The following TAF3 variants were observed in gnomAD, a reference collection of about 807,000 sequenced individuals.
The protein encoded by TAF3 is TATA-box binding protein associated factor 3.
Under a neutral mutation model 80.6 loss-of-function variants are expected in TAF3, and 7 were observed. The observed-to-expected ratio is 0.09, with a 90% CI of 0.05 to 0.16. TAF3 has a LOEUF of 0.16. Ranked by LOEUF, TAF3 falls within the 10% of genes least tolerant of loss-of-function variation. The pLI is 1.00. For synonymous variants in TAF3, 444 were observed against 446.1 expected (o/e 1.00, Z 0.06); for missense variants, 921 against 1,140.2 (o/e 0.81, Z 2.77).
At chr10:7,929,642 G>A (rs1022776513) in intron 2 of TAF3, among the ~76,000 whole-genome samples, 6 of 152,138 alleles carry the variant, frequency 3.9e-5, no homozygotes, top group East Asian at 1.9e-4. Context: ...GGGATTGCAC[G>A]TGTGAGCCAC....
chr10:7,887,391 T>C (rs1372308537), intron 2 of TAF3, among the ~76,000 whole-genome samples: 4 of 152,118 alleles, frequency 2.6e-5, no homozygotes, highest in Non-Finnish European at 5.9e-5. Context: ...TTTTTGCAAG[T>C]GTGGAAAGAA....
At chr10:7,855,694 CCAGA>C (rs1433773917) in intron 2 of TAF3, among the ~76,000 whole-genome samples, 9 of 152,168 alleles carry the variant, frequency 5.9e-5, no homozygotes, top group Middle Eastern at 3.4e-3. Flanking sequence ...TAAAGGCTTA[CCAGA>C]CAAAGGAAGA....
chr10:7,854,791 TCAGTAGTATGTTA>T (rs1399068552), intron 2 of TAF3, among the ~76,000 whole-genome samples: 5 of 152,174 alleles, frequency 3.3e-5, no homozygotes, highest in African/African-American at 1.2e-4. Flanking sequence ...CATACGTAGA[TCAGTAGTATGTTA>T]CAGTAGCATG....
At chr10:7,961,882 C>T (rs778353062) in intron 2 of TAF3, among the ~76,000 whole-genome samples, 18 of 151,976 alleles carry the variant, frequency 1.2e-4, no homozygotes, top group Non-Finnish European at 1.9e-4. Context: ...TAGGGTCTCG[C>T]TCTGTCGCCC....
chr10:7,891,317 TA>T (rs1366378223), intron 2 of TAF3, among the ~76,000 whole-genome samples: 1 of 152,232 alleles, frequency 6.6e-6, no homozygotes, highest in Non-Finnish European at 1.5e-5. Context: ...GATTAAGGTG[TA>T]CATAGTAAAA....
At chr10:7,998,261 A>ATG (rs1554788795) in intron 4 of TAF3, among the ~76,000 whole-genome samples, 2,363 of 58,774 alleles carry the variant, frequency 0.04, 36 homozygotes, top group East Asian at 0.2. Flanking sequence ...ATATATATAT[A>ATG]TATGTATATA....
At chr10:7,941,160 A>C (rs903965717) in intron 2 of TAF3, among the ~76,000 whole-genome samples, 3 of 152,176 alleles carry the variant, frequency 2.0e-5, no homozygotes, top group South Asian at 2.1e-4. Context: ...AGAGATTTCC[A>C]CTGGGAGAGC....
chr10:7,912,842 T>A (rs1588549429), intron 2 of TAF3, among the ~76,000 whole-genome samples: 1 of 152,160 alleles, frequency 6.6e-6, no homozygotes, highest in Non-Finnish European at 1.5e-5. Flanking sequence ...TTTTCCTTTC[T>A]GAATCGGACC....
intron 2 of TAF3, among the ~76,000 whole-genome samples, chr10:7,866,382 G>C (rs140788810): frequency 2.5e-3 from 385 of 152,322 alleles, no homozygotes; most frequent in African/African-American, 9.1e-3. Context: ...CTGTGATGGT[G>C]GCTGACCACG....
At chr10:7,895,215 G>A (rs1272794273) in intron 2 of TAF3, among the ~76,000 whole-genome samples, 3 of 152,162 alleles carry the variant, frequency 2.0e-5, no homozygotes, top group Non-Finnish European at 2.9e-5. Flanking sequence ...GCTTTAGTGA[G>A]TCCTAACCCC....
chr10:7,874,490 G>C (rs1242074861), intron 2 of TAF3, among the ~76,000 whole-genome samples: 1 of 152,050 alleles, frequency 6.6e-6, no homozygotes, highest in African/African-American at 2.4e-5. Context: ...TACTTACCAA[G>C]GGATGATGGT....
At chr10:7,828,202 C>T (rs530536030) in intron 2 of TAF3, among the ~76,000 whole-genome samples, 47 of 152,142 alleles carry the variant, frequency 3.1e-4, no homozygotes, top group African/African-American at 1.1e-3. Context: ...CTGTGAATGC[C>T]CACTGCACTT....
At chr10:8,013,102 G>A (rs182254339) in intron 5 of TAF3, among the ~76,000 whole-genome samples, 113 of 152,296 alleles carry the variant, frequency 7.4e-4, no homozygotes, top group South Asian at 2.3e-3. Context: ...TTGTAGCTCT[G>A]TGGCCTCCCT....
rs1838001019 is a variant in TAF3, at chr10:7,944,093, T to TG, written c.410-19827_410-19826insG. On this transcript the variant is annotated intron_variant, in intron 2 of 6. Transcript: ENST00000344293. ...CACTGATTTTTTAAAATGTTCATGC[T>TG]TGTGTGTGTGTGTGTGTGTGTGTGT... 4.4e-5 allele frequency among the ~76,000 whole-genome samples: 6 copies of TG among 137,094 alleles called. No homozygotes were observed. The East Asian group carries it at 6.5e-4, about 15-fold the overall frequency. The allele number at this position is 137,094 out of a possible 152,430, so 89.9% of individuals were successfully genotyped here.
chr10:7,960,759 C>G (rs1420959397), intron 2 of TAF3, among the ~76,000 whole-genome samples: 1 of 152,090 alleles, frequency 6.6e-6, no homozygotes, highest in East Asian at 1.9e-4. Context: ...TCCAATTTCC[C>G]AGATGGAGAG....
At chr10:7,904,907 C>T (rs763980987) in intron 2 of TAF3, among the ~76,000 whole-genome samples, 1 of 152,132 alleles carries the variant, frequency 6.6e-6, no homozygotes, top group Non-Finnish European at 1.5e-5. Flanking sequence ...CCCCGCACTT[C>T]CTCCACCACC....
At chr10:7,862,141 T>A (rs1837154459) in intron 2 of TAF3, among the ~76,000 whole-genome samples, 1 of 152,220 alleles carries the variant, frequency 6.6e-6, no homozygotes, top group Non-Finnish European at 1.5e-5. Context: ...AGAGTTCCAT[T>A]TCTCTCCTGA....
At chr10:7,930,371 G>A (rs1391239929) in intron 2 of TAF3, among the ~76,000 whole-genome samples, 1 of 152,186 alleles carries the variant, frequency 6.6e-6, no homozygotes, top group Non-Finnish European at 1.5e-5. Context: ...TTATTAGTGA[G>A]TAATGCTAAA....
intron 2 of TAF3, among the ~76,000 whole-genome samples, chr10:7,853,427 T>C (rs1837048257): frequency 6.6e-6 from 1 of 152,202 alleles, no homozygotes; most frequent in African/African-American, 2.4e-5. Context: ...TTGTCTTTTT[T>C]ATTGTCTAGA....
Sources: allele counts gnomAD v4.1 joint callset (sites outside exome capture counted in the v4.1 genomes callset), GRCh38; gene constraint gnomAD v4.1.1; transcripts MANE v1.5; gene names NCBI Gene and HGNC (gene_info 2026-07-23, HGNC 2026-07-21).